STARD13: variants seen among roughly 807,000 people sequenced by gnomAD.
STARD13 encodes the protein StAR related lipid transfer domain containing 13.
STARD13 carries 62 observed loss-of-function variants against 106.4 expected under a neutral mutation model. The observed-to-expected ratio is 0.58, with a 90% CI of 0.48 to 0.72. STARD13 has a LOEUF of 0.72. STARD13 is among the 30% of genes least tolerant of loss of function. STARD13 has a pLI of 0.00. For missense variants in STARD13, 1,387 were observed against 1,424.0 expected (o/e 0.97, Z 0.42); for synonymous variants, 565 against 553.0 (o/e 1.02, Z -0.31).
chr13:33,192,945 G>A (rs1213919523), intron 1 of STARD13, among the ~76,000 whole-genome samples: 2 of 152,146 alleles, frequency 1.3e-5, no homozygotes, highest in Non-Finnish European at 2.9e-5. Flanking sequence ...GAAGAAGCTA[G>A]GATCAGGGAG....
At chr13:33,571,622 A>T in the STARD13 span, among the ~76,000 whole-genome samples, 1 of 152,156 alleles carries the variant, frequency 6.6e-6, no homozygotes, top group Non-Finnish European at 1.5e-5. Flanking sequence ...CCTATATTCA[A>T]GTTCATCAGA....
chr13:33,596,717 C>A, the STARD13 span, among the ~76,000 whole-genome samples: 1 of 152,144 alleles, frequency 6.6e-6, no homozygotes, highest in South Asian at 2.1e-4. Flanking sequence ...TCTCTGATAA[C>A]CATAATTCTA....
the STARD13 span, among the ~76,000 whole-genome samples, chr13:33,529,621 T>G: frequency 2.6e-5 from 4 of 152,138 alleles, no homozygotes; most frequent in Non-Finnish European, 5.9e-5. Flanking sequence ...TATAGACAGA[T>G]CTATCAAAAG....
At chr13:33,137,905 G>A (rs1593937906) in intron 4 of STARD13, among the ~76,000 whole-genome samples, 2 of 150,964 alleles carry the variant, frequency 1.3e-5, no homozygotes, top group Middle Eastern at 3.4e-3. Flanking sequence ...AGATGCGGGG[G>A]TGTGCAAGGG....
chr13:33,283,730 C>G (rs538293503), intron 1 of STARD13, among the ~76,000 whole-genome samples: 2 of 152,198 alleles, frequency 1.3e-5, no homozygotes, highest in African/African-American at 4.8e-5. Context: ...CTCAAATTAC[C>G]TAATTAGACA....
At chr13:33,483,712 A>T in the STARD13 span, among the ~76,000 whole-genome samples, 1 of 151,968 alleles carries the variant, frequency 6.6e-6, no homozygotes, top group Admixed American at 6.6e-5. Flanking sequence ...TAAACCCCCC[A>T]GTTTCAATTG....
chr13:33,503,049 C>A, the STARD13 span, among the ~76,000 whole-genome samples: 18 of 152,278 alleles, frequency 1.2e-4, no homozygotes, highest in African/African-American at 4.3e-4. Context: ...ATTATTGCCT[C>A]AATTTCAGAA....
the STARD13 span, among the ~76,000 whole-genome samples, chr13:33,364,569 T>C: frequency 6.6e-6 from 1 of 151,972 alleles, no homozygotes; most frequent in Non-Finnish European, 1.5e-5. Context: ...GTGTGTGTGG[T>C]TTTAAAGGAG....
the STARD13 span, among the ~76,000 whole-genome samples, chr13:33,588,918 G>A: frequency 1.3e-5 from 2 of 152,186 alleles, no homozygotes; most frequent in South Asian, 4.2e-4. Flanking sequence ...ACCAAGTGCT[G>A]GTGATTTCAG....
chr13:33,402,098 T>C, the STARD13 span, among the ~76,000 whole-genome samples: 3 of 152,206 alleles, frequency 2.0e-5, no homozygotes, highest in Admixed American at 6.5e-5. Context: ...AAATCTGTTT[T>C]CATAAAGTGA....
intron 1 of STARD13, among the ~76,000 whole-genome samples, chr13:33,339,206 G>C (rs1000090455): frequency 6.6e-6 from 1 of 152,042 alleles, no homozygotes; most frequent in African/African-American, 2.4e-5. Context: ...TAATTATCTT[G>C]CCCAAGGGCC....
rs1450177919 is a variant in STARD13, at chr13:33,307,205, GT to G, written c.124+43084del. Among the ~76,000 whole-genome samples, 4 of 152,198 alleles carry G rather than the reference GT, an allele frequency of 2.6e-5. No homozygotes were observed. The East Asian group carries it at 7.7e-4, about 29-fold the overall frequency. The stretch of plus-strand genomic sequence containing the variant: ...AAAAAGAAATGCCTTTACACGGTCG[GT>G]GGGGATGCAAATTAGTTCAATCATT... On this transcript the variant is annotated intron_variant, in intron 1 of 5. Transcript: ENST00000567873.
At chr13:33,426,837 A>G in the STARD13 span, among the ~76,000 whole-genome samples, 2 of 152,158 alleles carry the variant, frequency 1.3e-5, no homozygotes, top group Non-Finnish European at 2.9e-5. Context: ...ATCTGAGACA[A>G]TGGAATGTGT....
At chr13:33,632,373 G>A in the STARD13 span, among the ~76,000 whole-genome samples, 1 of 152,180 alleles carries the variant, frequency 6.6e-6, no homozygotes, top group East Asian at 1.9e-4. Flanking sequence ...ATGAGTCTAT[G>A]GTATTCTTCC....
At chr13:33,142,081 T>G (rs1670123329) in intron 4 of STARD13, among the ~76,000 whole-genome samples, 1 of 152,210 alleles carries the variant, frequency 6.6e-6, no homozygotes, top group South Asian at 2.1e-4. Flanking sequence ...CAGGTTGAAG[T>G]GCAGTGGCAT....
chr13:33,671,032 A>G, the STARD13 span, among the ~76,000 whole-genome samples: 1 of 152,244 alleles, frequency 6.6e-6, no homozygotes, highest in African/African-American at 2.4e-5. Context: ...AAAAGGGAAT[A>G]ATGCTGATAG....
intron 3 of STARD13, among the ~76,000 whole-genome samples, chr13:33,155,848 G>A (rs1881889703): frequency 6.6e-6 from 1 of 152,108 alleles, no homozygotes; most frequent in African/African-American, 2.4e-5. Flanking sequence ...ACAGGTTAGT[G>A]CAAGAACCCA....
chr13:33,563,099 CA>C, the STARD13 span, among the ~76,000 whole-genome samples: 11 of 145,972 alleles, frequency 7.5e-5, 1 homozygote, highest in Admixed American at 4.9e-4. Context: ...GAAGAGGGCA[CA>C]AAAAAATGAA....
the STARD13 span, among the ~76,000 whole-genome samples, chr13:33,613,695 A>C: frequency 6.6e-6 from 1 of 152,206 alleles, no homozygotes; most frequent in Non-Finnish European, 1.5e-5. Flanking sequence ...GAGAGAATGA[A>C]GGTCCTGACA....
Sources: gnomAD v4.1 joint callset for allele counts (sites outside exome capture counted in the v4.1 genomes callset) on GRCh38, gnomAD v4.1.1 for gene constraint, MANE v1.5 for transcripts, NCBI Gene and HGNC (gene_info 2026-07-23, HGNC 2026-07-21) for gene names.